The following TULP4 variants were observed in gnomAD, a reference collection of about 807,000 sequenced individuals.
The protein encoded by TULP4 is TUB like protein 4.
Under a neutral mutation model 129.0 loss-of-function variants are expected in TULP4, and 16 were observed. That is an observed-to-expected ratio of 0.12 (90% CI 0.08 to 0.19). TULP4 has a LOEUF of 0.19. Among genes scored for constraint, TULP4 ranks in the 10% least tolerant of loss-of-function variants. The pLI, the probability that TULP4 is intolerant of heterozygous loss-of-function variation, is 1.00. For missense variants in TULP4, 1,842 were observed against 2,059.1 expected, an observed-to-expected ratio of 0.89 and a Z score of 2.04; for synonymous variants, 998 against 854.0, an observed-to-expected ratio of 1.17 and a Z score of -2.94.
At chr6:158,416,026 T>A (rs940839251) in intron 2 of TULP4, among the ~76,000 whole-genome samples, 2 of 152,298 alleles carry the variant, frequency 1.3e-5, no homozygotes, top group Non-Finnish European at 2.9e-5. Flanking sequence ...AAACCACTGG[T>A]GTAAGTCCAA....
At chr6:158,416,957 G>A (rs1185700316) in intron 2 of TULP4, among the ~76,000 whole-genome samples, 1 of 152,204 alleles carries the variant, frequency 6.6e-6, no homozygotes, top group Non-Finnish European at 1.5e-5. Context: ...CAGGTCTGTA[G>A]CCTAGGAGTA....
At chr6:158,259,600 C>T (rs1778313064) in intron 1 of TULP4, among the ~76,000 whole-genome samples, 1 of 152,172 alleles carries the variant, frequency 6.6e-6, no homozygotes, top group African/African-American at 2.4e-5. Flanking sequence ...TGCTTTGACA[C>T]CAGTGCTCTA....
At chr6:158,500,463 G>C (rs1182794986) in intron 12 of TULP4, among the ~76,000 whole-genome samples, 1 of 152,224 alleles carries the variant, frequency 6.6e-6, no homozygotes, top group African/African-American at 2.4e-5. Flanking sequence ...AAGTCAGCCA[G>C]TGTCACATTT....
chr6:158,372,602 C>G (rs1206980493), intron 1 of TULP4, among the ~76,000 whole-genome samples: 1 of 152,130 alleles, frequency 6.6e-6, no homozygotes, highest in African/African-American at 2.4e-5. Context: ...GGTTGAGAAT[C>G]ATTGTTCTTA....
In TULP4 at chr6:158,267,225, A is replaced by G. The variant is rs577171647; in HGVS notation, n.68+34922A>G. On this transcript the variant is annotated intron_variant and non_coding_transcript_variant, in intron 1 of 1. Coordinates refer to the TULP4 transcript ENST00000620026. Reference sequence around the variant, plus strand: ...CATTCATCTGGGTTTTTTTCTTTCTATAATCCAGGACAGTGCTGAAACCCA... The same window carrying G: ...CATTCATCTGGGTTTTTTTCTTTCTGTAATCCAGGACAGTGCTGAAACCCA... Among the ~76,000 whole-genome samples the G allele has an allele frequency of 4.6e-5, 7 of 152,210 alleles. No homozygotes were observed. The East Asian group carries it at 7.7e-4, about 17-fold the overall frequency.
chr6:158,326,925 A>G (rs1779759200), intron 1 of TULP4, among the ~76,000 whole-genome samples: 1 of 152,194 alleles, frequency 6.6e-6, no homozygotes, highest in African/African-American at 2.4e-5. Context: ...ATCCATGTTT[A>G]TATGGAGAGG....
intron 1 of TULP4, among the ~76,000 whole-genome samples, chr6:158,350,741 A>C (rs1780496637): frequency 6.7e-6 from 1 of 148,194 alleles, no homozygotes; most frequent in Admixed American, 6.7e-5. Flanking sequence ...AAGAGGGGAG[A>C]GGGGAGATGG....
At chr6:158,311,429 C>A (rs62437365), upstream of TULP4, among the ~76,000 whole-genome samples, 6,284 of 152,236 alleles carry the variant, frequency 0.041, 186 homozygotes, top group Middle Eastern at 0.061. Context: ...GGATGTGATG[C>A]AGCCTGGACT....
chr6:158,385,196 C>T (rs777556959), intron 1 of TULP4, among the ~76,000 whole-genome samples: 2 of 152,038 alleles, frequency 1.3e-5, no homozygotes, highest in African/African-American at 2.4e-5. Flanking sequence ...CCACACTCAC[C>T]GAAAGTACCA....
intron 1 of TULP4, among the ~76,000 whole-genome samples, chr6:158,306,473 GCTTGAGC>G (rs1779218086): frequency 6.6e-6 from 1 of 152,240 alleles, no homozygotes; most frequent in African/African-American, 2.4e-5. Context: ...TGGAAGGATT[GCTTGAGC>G]CTAGTTCGAG....
upstream of TULP4, chr6:158,312,410 TC>T: frequency 3.3e-6 from 1 of 301,264 alleles, no homozygotes; most frequent in Non-Finnish European, 6.0e-6. Context: ...AAAAATATTC[TC>T]CAGTTTAAAG....
intron 1 of TULP4, among the ~76,000 whole-genome samples, chr6:158,240,945 T>C (rs1485059468): frequency 1.5e-5 from 2 of 137,220 alleles, no homozygotes; most frequent in African/African-American, 5.3e-5. Flanking sequence ...TCCTCACTTC[T>C]CAGTCAGGGC....
chr6:158,392,739 G>A (rs1777611381), intron 1 of TULP4, among the ~76,000 whole-genome samples: 1 of 149,808 alleles, frequency 6.7e-6, no homozygotes, highest in Non-Finnish European at 1.5e-5. Context: ...TTGAATGCTG[G>A]GTACACCGCC....
intron 5 of TULP4, among the ~76,000 whole-genome samples, chr6:158,456,148 T>C (rs1779287041): frequency 6.6e-6 from 1 of 152,128 alleles, no homozygotes; most frequent in Non-Finnish European, 1.5e-5. Context: ...GAACAGGACT[T>C]GTAAGTTATG....
At chr6:158,287,251 A>G (rs1380562284) in intron 1 of TULP4, among the ~76,000 whole-genome samples, 1 of 152,170 alleles carries the variant, frequency 6.6e-6, no homozygotes, top group South Asian at 2.1e-4. Context: ...GGCCAGACAT[A>G]TGCATGTGTA....
At chr6:158,281,303 T>C (rs1778748365), upstream of TULP4, among the ~76,000 whole-genome samples, 1 of 151,642 alleles carries the variant, frequency 6.6e-6, no homozygotes, top group African/African-American at 2.4e-5. Context: ...AACCTCCGCC[T>C]CCTGGGTTCA....
At chr6:158,454,120 T>A (rs969365066) in intron 5 of TULP4, among the ~76,000 whole-genome samples, 1 of 150,878 alleles carries the variant, frequency 6.6e-6, no homozygotes, top group Non-Finnish European at 1.5e-5. Context: ...GTCTCAGGAC[T>A]GTAATTATAA....
At position 158,502,026 on chromosome 6, in the gene TULP4, T is replaced by C. The variant is rs1780458313; in HGVS notation, c.2363T>C (p.Val788Ala). The change falls in exon 13 of 14, where the codon GTG becomes GCG. Residue 788 changes from valine (V) to alanine (A), a missense_variant. Physicochemically the swap from Val to Ala is moderately conservative, Grantham distance 64. Transcript: ENST00000367097. ...PPQGPMQLST[V>A]GHGDRDHEHL... ...CAGGGGCCCATGCAGCTGTCCACGG[T>C]GGGCCATGGAGACCGAGACCACGAA... 1 of 1,612,414 alleles carries C rather than the reference T, an allele frequency of 6.2e-7. No individual in the cohort carries two copies. Among genetic ancestry groups the C allele is most frequent in the Non-Finnish European group, 8.5e-7 (1 of 1,179,758 alleles).
At chr6:158,459,186 T>C (rs1469265229) in intron 5 of TULP4, among the ~76,000 whole-genome samples, 1 of 152,182 alleles carries the variant, frequency 6.6e-6, no homozygotes, top group Non-Finnish European at 1.5e-5. Flanking sequence ...ATCTCAGCAC[T>C]TTGTGAGGCC....
Sources: allele counts gnomAD v4.1 joint callset (sites outside exome capture counted in the v4.1 genomes callset), GRCh38; gene constraint gnomAD v4.1.1; transcripts MANE v1.5; gene names NCBI Gene and HGNC (gene_info 2026-07-23, HGNC 2026-07-21).